BLTP1: variants seen among roughly 807,000 people sequenced by gnomAD.
BLTP1 encodes bridge-like lipid transfer protein family member 1.
the BLTP1 span, chr4:122,249,598 C>G: frequency 1.9e-6 from 3 of 1,613,466 alleles, no homozygotes; most frequent in African/African-American, 2.7e-5. Context: ...GCAAGCTGTT[C>G]CAGATGTAAC....
the BLTP1 span, chr4:122,287,467 C>T: frequency 2.7e-5 from 12 of 451,392 alleles, no homozygotes; most frequent in African/African-American, 1.3e-4. Flanking sequence ...CCTTAAGTCT[C>T]GAGACCTAGC....
At chr4:122,279,119 G>A in the BLTP1 span, among the ~76,000 whole-genome samples, 4 of 152,178 alleles carry the variant, frequency 2.6e-5, no homozygotes, top group Non-Finnish European at 5.9e-5. Context: ...GCCTTTGTTT[G>A]GAGTTGATCT....
chr4:122,327,732 C>G, the BLTP1 span: 1 of 153,118 alleles, frequency 6.5e-6, no homozygotes, highest in African/African-American at 2.4e-5. Context: ...AAACAATAAA[C>G]TTTGTACTGA....
the BLTP1 span, chr4:122,186,371 A>G: frequency 2.4e-6 from 1 of 419,764 alleles, no homozygotes. Flanking sequence ...TTATATAATT[A>G]TTTTAGAAAT....
At chr4:122,353,815 C>T in the BLTP1 span, 1 of 1,605,470 alleles carries the variant, frequency 6.2e-7, no homozygotes, top group Non-Finnish European at 8.5e-7. This position sits in a 1 kb window ranked among gnomAD's most constrained non-coding sequence, Gnocchi z 4.3. Flanking sequence ...TTGTTGTAGG[C>T]TCCAGTGATC....
the BLTP1 span, among the ~76,000 whole-genome samples, chr4:122,309,635 T>TG: frequency 6.6e-6 from 1 of 152,118 alleles, no homozygotes. Context: ...ACTACAGCAT[T>TG]GAGTAGTTTT....
chr4:122,250,290 C>A, the BLTP1 span: 1 of 1,420,754 alleles, frequency 7.0e-7, no homozygotes, highest in Non-Finnish European at 9.6e-7. Context: ...AAATTTTATA[C>A]AGATATTGTA....
chr4:122,251,189 A>T, the BLTP1 span: 1 of 903,888 alleles, frequency 1.1e-6, no homozygotes, highest in Non-Finnish European at 1.3e-6. Context: ...CATGTTATTG[A>T]CCTTGCAGCG....
chr4:122,250,857 A>C, the BLTP1 span: 1 of 849,244 alleles, frequency 1.2e-6, no homozygotes, highest in Non-Finnish European at 1.4e-6. Context: ...TAAATTAACA[A>C]AATTTAAGAG....
the BLTP1 span, among the ~76,000 whole-genome samples, chr4:122,283,528 T>C: frequency 3.3e-5 from 5 of 152,342 alleles, no homozygotes; most frequent in Middle Eastern, 3.4e-3. Flanking sequence ...TTTTTATTTT[T>C]TGAGACAGGG....
At chr4:122,291,760 A>C in the BLTP1 span, 2 of 976,164 alleles carry the variant, frequency 2.0e-6, no homozygotes, top group Non-Finnish European at 2.4e-6. Context: ...ATAAAGACAT[A>C]AAATACTATG....
chr4:122,215,414 C>T, the BLTP1 span: 1 of 985,240 alleles, frequency 1.0e-6, no homozygotes, highest in Middle Eastern at 5.2e-4. Context: ...AAAATGAGTG[C>T]TGGTAACTGT....
At chr4:122,275,598 G>A in the BLTP1 span, among the ~76,000 whole-genome samples, 1 of 151,948 alleles carries the variant, frequency 6.6e-6, no homozygotes, top group Non-Finnish European at 1.5e-5. Flanking sequence ...TTAAGAGAAG[G>A]GCTTCCAATA....
the BLTP1 span, among the ~76,000 whole-genome samples, chr4:122,228,159 T>C: frequency 6.6e-6 from 1 of 152,094 alleles, no homozygotes; most frequent in Admixed American, 6.5e-5. Context: ...GTGATCCGCC[T>C]GCCTTTGCCT....
chr4:122,249,236 G>A, the BLTP1 span: 1 of 558,206 alleles, frequency 1.8e-6, no homozygotes, highest in Non-Finnish European at 2.3e-6. Context: ...ATTTTTTAGA[G>A]TATCCTGTAA....
At chr4:122,188,905 G>A in the BLTP1 span, 1 of 980,520 alleles carries the variant, frequency 1.0e-6, no homozygotes, top group South Asian at 4.7e-5. Context: ...CCTGGTATTC[G>A]ATTTTCCAGG....
chr4:122,295,223 G>T, the BLTP1 span, among the ~76,000 whole-genome samples: 1 of 152,062 alleles, frequency 6.6e-6, no homozygotes, highest in African/African-American at 2.4e-5. Context: ...CCCCAACTGA[G>T]CAAGACAGGC....
At chr4:122,176,451 T>C in the BLTP1 span, among the ~76,000 whole-genome samples, 1 of 152,196 alleles carries the variant, frequency 6.6e-6, no homozygotes, top group Non-Finnish European at 1.5e-5. Flanking sequence ...TTTGAATTGT[T>C]TGTAAAAATA....
At chr4:122,211,561 A>T in the BLTP1 span, among the ~76,000 whole-genome samples, 233 of 152,274 alleles carry the variant, frequency 1.5e-3, 7 homozygotes, top group South Asian at 0.047. Context: ...TTGGTGCTTT[A>T]TTTGAAAAAC....
Sources: gnomAD v4.1 joint callset for allele counts (sites outside exome capture counted in the v4.1 genomes callset) on GRCh38, gnomAD v4.1.1 for gene constraint, Gnocchi (gnomAD v3.1) non-coding constraint, MANE v1.5 for transcripts, NCBI Gene and HGNC (gene_info 2026-07-23, HGNC 2026-07-21) for gene names.